Variants in YAP1 observed in about 807,000 individuals in gnomAD.
The protein encoded by YAP1 is transcriptional coactivator YAP1.
YAP1 carries 5 observed loss-of-function variants against 56.9 expected under a neutral mutation model. That is an observed-to-expected ratio of 0.09 (90% CI 0.05 to 0.18). YAP1 has a LOEUF of 0.18. Among genes scored for constraint, YAP1 ranks in the 10% least tolerant of loss-of-function variants. YAP1 has a pLI of 1.00. For synonymous variants in YAP1, 265 were observed against 248.1 expected (o/e 1.07, Z -0.64); for missense variants, 539 against 651.8 (o/e 0.83, Z 1.88).
Position 102,114,037 on chromosome 11 carries a change from C to A in YAP1, c.322-107C>A, listed in dbSNP as rs189782753. 1.5e-3 allele frequency: 1,821 copies of A among 1,220,018 alleles called. 2 individuals carry two copies. Among genetic ancestry groups the A allele is most frequent in the Non-Finnish European group, 1.8e-3 (1,674 of 909,720 alleles). 75.6% of individuals were successfully genotyped at this position (1,220,018 alleles called of 1,614,324 possible). On this transcript the variant is annotated intron_variant, in intron 1 of 8. Transcript: ENST00000282441. The stretch of plus-strand genomic sequence containing the variant: ...TCGAATATTAAATGTTGAAATTTTC[C>A]TTTGGTACTTAGATATTCGGCTGCA...
intron 2 of YAP1, among the ~76,000 whole-genome samples, chr11:102,117,339 A>T (rs1780469490): frequency 6.6e-6 from 1 of 152,216 alleles, no homozygotes. Flanking sequence ...CCGCAATGAA[A>T]CATTTTATTT....
intron 3 of YAP1, among the ~76,000 whole-genome samples, chr11:102,164,786 G>A (rs1440231435): frequency 1.5e-4 from 23 of 152,074 alleles, no homozygotes; most frequent in Admixed American, 7.2e-4. Flanking sequence ...GCAATGGCAC[G>A]ATCTCAGCTC....
At chr11:102,129,500 C>T (rs1400377626) in intron 2 of YAP1, among the ~76,000 whole-genome samples, 2 of 151,676 alleles carry the variant, frequency 1.3e-5, no homozygotes, top group African/African-American at 4.8e-5. Context: ...TGCCTGTAAT[C>T]CCAGCTGCTC....
intron 6 of YAP1, among the ~76,000 whole-genome samples, chr11:102,212,442 A>G (rs1391854894): frequency 6.6e-6 from 1 of 152,204 alleles, no homozygotes; most frequent in Non-Finnish European, 1.5e-5. Flanking sequence ...GAAATGTAAA[A>G]TTTTGAAAAA....
At chr11:102,140,844 CA>C (rs549151762) in intron 2 of YAP1, among the ~76,000 whole-genome samples, 82 of 142,958 alleles carry the variant, frequency 5.7e-4, no homozygotes, top group African/African-American at 8.9e-4. Context: ...TTCCATTTCC[CA>C]AAAAAAAAAA....
At chr11:102,145,835 C>CTT (rs1413625496) in intron 2 of YAP1, among the ~76,000 whole-genome samples, 1 of 152,194 alleles carries the variant, frequency 6.6e-6, no homozygotes, top group Non-Finnish European at 1.5e-5. Context: ...TTCCTTACTC[C>CTT]TTTGCTCACT....
intron 2 of YAP1, among the ~76,000 whole-genome samples, chr11:102,115,511 C>G (rs186886135): frequency 1.3e-4 from 20 of 151,932 alleles, no homozygotes; most frequent in Middle Eastern, 3.4e-3. Context: ...GACAGACTTA[C>G]AGAAGAGCAA....
chr11:102,207,024 A>G (rs1444630536), intron 5 of YAP1, among the ~76,000 whole-genome samples: 1 of 152,148 alleles, frequency 6.6e-6, no homozygotes, highest in East Asian at 1.9e-4. Flanking sequence ...TAATATATAT[A>G]ATTAATCTCA....
chr11:102,135,580 T>C lies in YAP1; in HGVS notation c.572+21186T>C, dbSNP rs138909355. 6.2e-3 allele frequency among the ~76,000 whole-genome samples: 940 copies of C among 152,314 alleles called. 11 individuals carry two copies. Among genetic ancestry groups the C allele is most frequent in the African/African-American group, 0.022 (898 of 41,578 alleles). ...GATTTCTTAAATGGCAGCTGAGATTTCCTAGAGAGGCAGCCTCAAGAGGCT... is the reference window on the plus strand; with the variant it reads ...GATTTCTTAAATGGCAGCTGAGATTCCCTAGAGAGGCAGCCTCAAGAGGCT... On this transcript the variant is annotated intron_variant, in intron 2 of 8. Transcript: ENST00000282441.
intron 4 of YAP1, among the ~76,000 whole-genome samples, chr11:102,197,764 C>CT (rs1185435246): frequency 6.6e-6 from 1 of 152,068 alleles, no homozygotes; most frequent in Non-Finnish European, 1.5e-5. Context: ...TTTATTAAAA[C>CT]TGGAAACATT....
chr11:102,183,934 G>A (rs1206301678), intron 3 of YAP1, among the ~76,000 whole-genome samples: 3 of 151,748 alleles, frequency 2.0e-5, no homozygotes, highest in Non-Finnish European at 2.9e-5. Context: ...AAAATTAGCC[G>A]GGCGTAGTGG....
intron 4 of YAP1, among the ~76,000 whole-genome samples, chr11:102,189,537 T>A (rs1948165339): frequency 6.6e-6 from 1 of 152,106 alleles, no homozygotes; most frequent in African/African-American, 2.4e-5. Flanking sequence ...GGGGAAAAAA[T>A]TATACTTCTG....
chr11:102,196,095 G>C (rs1432793186), intron 4 of YAP1, among the ~76,000 whole-genome samples: 6 of 152,122 alleles, frequency 3.9e-5, no homozygotes, highest in African/African-American at 1.4e-4. Flanking sequence ...TGTTGGGATT[G>C]AAAAATGATG....
At chr11:102,173,653 A>G (rs1947056074) in intron 3 of YAP1, among the ~76,000 whole-genome samples, 1 of 152,192 alleles carries the variant, frequency 6.6e-6, no homozygotes, top group African/African-American at 2.4e-5. Flanking sequence ...GAAAGTGAGC[A>G]TCAAGCAGGT....
At chr11:102,193,843 G>GT (rs1217589631) in intron 4 of YAP1, among the ~76,000 whole-genome samples, 1,656 of 143,054 alleles carry the variant, frequency 0.012, 22 homozygotes, top group Non-Finnish European at 0.015. Context: ...TTTGATTTTT[G>GT]TTTTTTTTTT....
At chr11:102,143,236 T>A (rs1945119999) in intron 2 of YAP1, among the ~76,000 whole-genome samples, 1 of 152,214 alleles carries the variant, frequency 6.6e-6, no homozygotes, top group African/African-American at 2.4e-5. Context: ...GGCATACTTA[T>A]TCATTTGGTG....
chr11:102,229,703 T>C lies in YAP1; in HGVS notation c.1278T>C (p.Gly426=). 1 of 1,613,826 alleles carries C rather than the reference T, an allele frequency of 6.2e-7. No individual in the cohort carries two copies. Among genetic ancestry groups the C allele is most frequent in the Non-Finnish European group, 8.5e-7 (1 of 1,179,752 alleles). The change falls in exon 9 of 9, where the codon GGT becomes GGC. Residue 426 remains glycine (G), a splice_region_variant and synonymous_variant. Coordinates refer to ENST00000282441, the MANE Select transcript of YAP1 (RefSeq NM_001130145.3). ...FLNSVDEMDT[G]DTINQSTLPS... ...GTTATCTCTGTGTGTTTCCACTAGG[T>C]GATACTATCAACCAAAGCACCCTGC...
At chr11:102,204,532 G>C (rs928659943) in intron 4 of YAP1, among the ~76,000 whole-genome samples, 3 of 152,182 alleles carry the variant, frequency 2.0e-5, no homozygotes, top group African/African-American at 7.2e-5. Context: ...AATTCCTTGA[G>C]AGAAGAAAAT....
intron 1 of YAP1, among the ~76,000 whole-genome samples, chr11:102,113,614 T>C (rs1426989929): frequency 6.6e-6 from 1 of 152,230 alleles, no homozygotes; most frequent in East Asian, 1.9e-4. Flanking sequence ...TTAAAATTTG[T>C]GTAATTTGTT....
Sources: gnomAD v4.1 joint callset for allele counts (sites outside exome capture counted in the v4.1 genomes callset) on GRCh38, gnomAD v4.1.1 for gene constraint, MANE v1.5 for transcripts, NCBI Gene and HGNC (gene_info 2026-07-23, HGNC 2026-07-21) for gene names.